Variants in TSNAXIP1 observed in about 807,000 individuals in gnomAD.
TSNAXIP1 encodes translin-associated factor X-interacting protein 1.
TSNAXIP1 carries 89 observed loss-of-function variants against 84.8 expected under a neutral mutation model. The observed-to-expected ratio is 1.05, with a 90% confidence interval of 0.88 to 1.25. The LOEUF (loss-of-function observed/expected upper bound fraction) is 1.25. TSNAXIP1 is among the 50% of genes most tolerant of loss of function. The probability of loss-of-function intolerance (pLI) is 0.00; values close to 1 mark genes in which losing one functional copy is unlikely to be tolerated. For missense variants in TSNAXIP1, 874 were observed against 887.6 expected (o/e 0.98, Z 0.20); for synonymous variants, 347 against 335.2 (o/e 1.04, Z -0.39).
intron 4 of TSNAXIP1, among the ~76,000 whole-genome samples, chr16:67,822,948 C>A (rs2057179426): frequency 1.3e-5 from 2 of 152,196 alleles, no homozygotes; most frequent in African/African-American, 4.8e-5. Context: ...GTACAACCTT[C>A]AATCTCCTGA....
At chr16:67,823,080 G>A (rs1431534286) in intron 4 of TSNAXIP1, among the ~76,000 whole-genome samples, 1 of 152,206 alleles carries the variant, frequency 6.6e-6, no homozygotes, top group Non-Finnish European at 1.5e-5. Context: ...GTGGATGTCT[G>A]TCTATGGTCA....
At chr16:67,812,449 C>T (rs1297154116) in intron 1 of TSNAXIP1, among the ~76,000 whole-genome samples, 4 of 150,574 alleles carry the variant, frequency 2.7e-5, no homozygotes, top group South Asian at 4.2e-4. Context: ...GGGCAGATCA[C>T]GAGGTCAGGA....
chr16:67,824,326 C>T (rs2057284577), intron 5 of TSNAXIP1, among the ~76,000 whole-genome samples: 1 of 152,278 alleles, frequency 6.6e-6, no homozygotes, highest in African/African-American at 2.4e-5. Context: ...TCAGGAGGTG[C>T]AGGGCATGGT....
intron 1 of TSNAXIP1, among the ~76,000 whole-genome samples, chr16:67,812,366 T>A (rs960297329): frequency 3.9e-5 from 6 of 151,962 alleles, no homozygotes; most frequent in South Asian, 2.1e-4. Flanking sequence ...CATTTTTTTT[T>A]ATTTATTTAA....
chr16:67,826,299 G>C lies in TSNAXIP1; in HGVS notation c.1275+17G>C. On this transcript the variant is annotated intron_variant, in intron 10 of 15. Coordinates refer to ENST00000561639, the MANE Select transcript of TSNAXIP1 (RefSeq NM_001288990.3). ...CCTGGTCTGGTAGGGGAGGCCCCAGGAGTGGGGCTTGGGCCAGAGTCAGAA... is the reference window on the plus strand; with the variant it reads ...CCTGGTCTGGTAGGGGAGGCCCCAGCAGTGGGGCTTGGGCCAGAGTCAGAA... 6.3e-7 allele frequency: 1 copy of C among 1,577,974 alleles called. No individual in the cohort carries two copies. Among genetic ancestry groups the C allele is most frequent in the Non-Finnish European group, 8.6e-7 (1 of 1,160,132 alleles).
At chr16:67,823,864 A>G in intron 5 of TSNAXIP1, 145 bp downstream of exon 5, 1 of 585,340 alleles carries the variant, frequency 1.7e-6, no homozygotes, top group Non-Finnish European at 3.0e-6. Flanking sequence ...TAAAAACACA[A>G]AAAAATTAGC....
Position 67,827,238 on chromosome 16 carries a change from C to A in TSNAXIP1, c.1665-11C>A. ...AGCAGGTCCCTGTTGGCCCTCATGT[C>A]TCCCCTACAGCACTGTCCTCAAGAG... On this transcript the variant is annotated splice_polypyrimidine_tract_variant and intron_variant, in intron 13 of 15. Coordinates refer to ENST00000561639, the MANE Select transcript of TSNAXIP1 (RefSeq NM_001288990.3). 6.2e-7 allele frequency: 1 copy of A among 1,614,014 alleles called. No individual in the cohort carries two copies. Among genetic ancestry groups the A allele is most frequent in the South Asian group, 1.1e-5 (1 of 91,068 alleles).
At chr16:67,809,588 A>AT (rs1341446823) in intron 1 of TSNAXIP1, among the ~76,000 whole-genome samples, 2 of 151,904 alleles carry the variant, frequency 1.3e-5, no homozygotes. Flanking sequence ...TTGCCACTGC[A>AT]TTCCAGCTGC....
Position 67,825,804 on chromosome 16 carries a change from C to G in TSNAXIP1, c.952C>G (p.Gln318Glu). 5 of 1,614,164 alleles carry G rather than the reference C, an allele frequency of 3.1e-6. No homozygotes were observed. Among genetic ancestry groups the G allele is most frequent in the Non-Finnish European group, 4.2e-6 (5 of 1,180,042 alleles). The change falls in exon 8 of 16, where the codon CAG becomes GAG. Residue 318 changes from glutamine to glutamate, a missense_variant. By Grantham distance (29) the Gln-to-Glu change is conservative. Coordinates refer to ENST00000561639, the MANE Select transcript of TSNAXIP1 (RefSeq NM_001288990.3). Reference protein sequence around the residue: ...DVVPRRDFEMQEKTNKDLQEQ... With the variant: ...DVVPRRDFEMEEKTNKDLQEQ... ...GGTCCCCAGGAGGGACTTTGAAATG[C>G]AGGAGAAGACCAACAAGGATCTTCA...
Position 67,823,697 on chromosome 16 carries a change from G to A in TSNAXIP1, c.459G>A (p.Lys153=), listed in dbSNP as rs755597754. The A allele has an allele frequency of 3.3e-5, 54 of 1,613,144 alleles. No individual in the cohort carries two copies. Among genetic ancestry groups the A allele is most frequent in the Non-Finnish European group, 4.5e-5 (53 of 1,179,588 alleles). Residue 153 remains lysine, a synonymous_variant, in exon 5 of 16, where the codon AAG becomes AAA. Transcript: ENST00000561639. The part of the protein sequence containing the change: ...KTYKPLLSSI[K]NAYEGMLAHQ... The stretch of plus-strand genomic sequence containing the variant: ...ACAAGCCATTACTATCCTCCATCAA[G>A]AATGCGTATGAGGGGATGCTGGGTA...
At chr16:67,810,235 C>A (rs897359677) in intron 1 of TSNAXIP1, among the ~76,000 whole-genome samples, 4 of 152,152 alleles carry the variant, frequency 2.6e-5, no homozygotes, top group Non-Finnish European at 5.9e-5. Context: ...ACCCTCATAA[C>A]CCTGGCACTT....
chr16:67,821,550 C>G (rs1371336065), intron 4 of TSNAXIP1, among the ~76,000 whole-genome samples: 1 of 151,820 alleles, frequency 6.6e-6, no homozygotes, highest in African/African-American at 2.4e-5. Flanking sequence ...GCACTCCAAC[C>G]TGGGCGACAA....
intron 1 of TSNAXIP1, among the ~76,000 whole-genome samples, chr16:67,810,958 C>T (rs537930205): frequency 2.2e-4 from 34 of 151,498 alleles, no homozygotes; most frequent in Admixed American, 5.9e-4. Context: ...AGGATGGTCT[C>T]GATCTCCTGA....
Position 67,811,312 on chromosome 16 carries a change from AC to A in TSNAXIP1, c.48-2988del, listed in dbSNP as rs57671851. ...ATATTCAAAACTAACAACATCTGTT[AC>A]CTACTGAACTTTTCCATTCAACAGC... On this transcript the variant is annotated intron_variant, in intron 1 of 15. Coordinates refer to ENST00000561639, the MANE Select transcript of TSNAXIP1 (RefSeq NM_001288990.3). 9.7e-3 allele frequency among the ~76,000 whole-genome samples: 1,468 copies of A among 152,090 alleles called. 21 individuals are homozygous for A. Among genetic ancestry groups the A allele is most frequent in the African/African-American group, 0.033 (1,370 of 41,486 alleles).
intron 4 of TSNAXIP1, among the ~76,000 whole-genome samples, chr16:67,821,911 G>A (rs981348530): frequency 1.3e-5 from 2 of 152,052 alleles, no homozygotes; most frequent in Non-Finnish European, 2.9e-5. Context: ...CTTGAACCCA[G>A]GCGGCAGAGG....
chr16:67,811,382 C>T (rs2056064776), intron 1 of TSNAXIP1, among the ~76,000 whole-genome samples: 1 of 151,912 alleles, frequency 6.6e-6, no homozygotes, highest in Non-Finnish European at 1.5e-5. Flanking sequence ...GCTTACCTTG[C>T]CTTTCCTGGT....
chr16:67,815,849 G>T (rs1034157050), intron 2 of TSNAXIP1, among the ~76,000 whole-genome samples: 1 of 151,482 alleles, frequency 6.6e-6, no homozygotes, highest in African/African-American at 2.4e-5. Flanking sequence ...ACCCAGGAAG[G>T]AGCACAGTGG....
At chr16:67,819,868 G>A (rs1441304155) in intron 2 of TSNAXIP1, among the ~76,000 whole-genome samples, 1 of 144,822 alleles carries the variant, frequency 6.9e-6, no homozygotes, top group East Asian at 2.0e-4. Context: ...CGCCAGGCTG[G>A]AGTGCAGTGG....
In TSNAXIP1 at chr16:67,807,492, T is replaced by C. The variant is rs548979183; in HGVS notation, c.47+296T>C. 2.6e-4 allele frequency: 271 copies of C among 1,036,014 alleles called. 2 individuals carry two copies. In the African/African-American group the frequency reaches 3.9e-3, roughly 15 times the overall value. 64.2% of individuals were successfully genotyped at this position (1,036,014 alleles called of 1,614,324 possible). A position where few individuals can be genotyped will look rare whatever the true frequency, so the allele number is the denominator to read the frequency against. On this transcript the variant is annotated intron_variant, in intron 1 of 15. Transcript: ENST00000561639. ...TAAATATTTTATTTTTGAGACAAGA[T>C]CTCGTTCTGTCGCCCAGGCTGGAGT...
Sources: allele counts gnomAD v4.1 joint callset (sites outside exome capture counted in the v4.1 genomes callset), GRCh38; gene constraint gnomAD v4.1.1; transcripts MANE v1.5; gene names NCBI Gene and HGNC (gene_info 2026-07-23, HGNC 2026-07-21).